THBS3: variants seen among roughly 807,000 people sequenced by gnomAD.
THBS3 encodes the protein thrombospondin 3, also known as thrombospondin-3.
Under a neutral mutation model 118.3 loss-of-function variants are expected in THBS3, and 78 were observed. The observed-to-expected ratio is 0.66, with a 90% confidence interval of 0.55 to 0.80. The LOEUF (loss-of-function observed/expected upper bound fraction) is 0.80, where lower values mean the gene tolerates loss of function less well. Ranked by LOEUF, THBS3 falls within the 30% of genes least tolerant of loss-of-function variation. THBS3 has a pLI of 0.00. For synonymous variants in THBS3, 427 were observed against 475.3 expected (o/e 0.90, Z 1.32); for missense variants, 1,057 against 1,247.4 (o/e 0.85, Z 2.30).
intron 6 of THBS3, 34 bp downstream of exon 6, chr1:155,203,189 G>A (rs1474222976): frequency 5.6e-6 from 9 of 1,614,078 alleles, no homozygotes; most frequent in Non-Finnish European, 7.6e-6. Context: ...CCCTACCCCA[G>A]AATCAGTGCC....
At chr1:155,200,196 C>T in intron 14 of THBS3, 83 bp from the exon 15 acceptor site, 1 of 1,294,836 alleles carries the variant, frequency 7.7e-7, no homozygotes, top group Non-Finnish European at 1.1e-6. Flanking sequence ...CGAACTTTGT[C>T]TCCCCACCCA....
chr1:155,202,952 C>T lies in THBS3; in HGVS notation c.817G>A (p.Glu273Lys). Reference sequence around the variant, plus strand: ...TTGGGGCTGCAGTGGGAACGCTGCTCATGGAAGCCTGAGGGGTGGACACAG... The same window carrying T: ...TTGGGGCTGCAGTGGGAACGCTGCTTATGGAAGCCTGAGGGGTGGACACAG... ...IMECQVCGFHEQRSHCSPNPC... is the reference protein window; with the variant it reads ...IMECQVCGFHKQRSHCSPNPC... Residue 273 changes from glutamate (E) to lysine (K), a missense_variant, in exon 8 of 23, where the codon GAG becomes AAG. Physicochemically the swap from Glu to Lys is moderately conservative, Grantham distance 56. Transcript: ENST00000368378. This position sits in a 1 kb window ranked among gnomAD's most constrained non-coding sequence, Gnocchi z 5.5. The T allele has an allele frequency of 4.3e-6, 7 of 1,613,948 alleles. No individual in the cohort carries two copies. The highest frequency in any genetic ancestry group is 5.9e-6 in the Non-Finnish European group (7 of 1,180,000).
In THBS3 at chr1:155,204,892, C is replaced by T; in HGVS notation, c.609G>A (p.Glu203=). 1 of 1,613,972 alleles carries T rather than the reference C, an allele frequency of 6.2e-7. No individual in the cohort carries two copies. The highest frequency in any genetic ancestry group is 8.5e-7 in the Non-Finnish European group (1 of 1,180,032). The part of the protein sequence containing the change: ...GSMARVGALS[E]CPFQGDESIH... The stretch of plus-strand genomic sequence containing the variant: ...TGGACTCGTCCCCTTGGAATGGACA[C>T]TCACTCAGGGCTCCTACCCGGGCCA... The change falls in exon 4 of 23, where the codon GAG becomes GAA. Residue 203 remains glutamate, a synonymous_variant. Coordinates refer to ENST00000368378, the MANE Select transcript of THBS3 (RefSeq NM_007112.5).
upstream of THBS3, chr1:155,208,597 TG>T: frequency 1.8e-6 from 1 of 567,618 alleles, no homozygotes; most frequent in Non-Finnish European, 3.1e-6. Flanking sequence ...TGGAACACTG[TG>T]GGTACTAGCG....
chr1:155,206,314 G>A lies in THBS3; in HGVS notation c.172C>T (p.Leu58Phe). 6.2e-7 allele frequency: 1 copy of A among 1,614,180 alleles called. No homozygotes were observed. The highest frequency in any genetic ancestry group is 8.5e-7 in the Non-Finnish European group (1 of 1,180,028). The change falls in exon 2 of 23, where the codon CTC (leucine) becomes TTC (phenylalanine). Residue 58 changes from leucine to phenylalanine, a missense_variant. Physicochemically the swap from Leu to Phe is conservative, Grantham distance 22. Transcript: ENST00000368378. This position sits in a 1 kb window ranked among gnomAD's most constrained non-coding sequence, Gnocchi z 4.2. ...GGGGGCAGGCGGAAGGTGGATAAGA[G>A]GTAGATGTCCCCAGCAGTGAGCAAG... Reference protein sequence around the residue: ...TALLTAGDIYLLSTFRLPPKQ... With the variant: ...TALLTAGDIYFLSTFRLPPKQ...
At chr1:155,199,483 G>A (rs1332785083) in intron 16 of THBS3, among the ~76,000 whole-genome samples, 1 of 150,988 alleles carries the variant, frequency 6.6e-6, no homozygotes, top group Non-Finnish European at 1.5e-5. Context: ...CGCTGGCACA[G>A]TGGCTCACAC....
rs77079296 is a variant in THBS3, at chr1:155,198,692, C to G, written c.1881-90G>C. ...TGCCTGGGAGTCTCTGGAGCCTGCT[C>G]TCCATACAATCAGACCCCTGGCAGT... On this transcript the variant is annotated intron_variant, in intron 16 of 22. Coordinates refer to ENST00000368378, the MANE Select transcript of THBS3 (RefSeq NM_007112.5). 3,565 of 1,362,910 alleles carry G rather than the reference C, an allele frequency of 2.6e-3. 83 individuals are homozygous for G. In the African/African-American group the frequency reaches 0.046, roughly 18 times the overall value. The allele number at this position is 1,362,910 out of a possible 1,614,324, so 84.4% of individuals were successfully genotyped here.
rs557774108 is a variant in THBS3, at chr1:155,196,326, C to G, written c.2673-200G>C. On this transcript the variant is annotated intron_variant, in intron 21 of 22. Coordinates refer to ENST00000368378, the MANE Select transcript of THBS3 (RefSeq NM_007112.5). Reference sequence around the variant, plus strand: ...AGGCCTGGGGCCCCTAGCTCTTTGTCCAGCTCCTTTTGCATCTCAAAGCAC... The same window carrying G: ...AGGCCTGGGGCCCCTAGCTCTTTGTGCAGCTCCTTTTGCATCTCAAAGCAC... 6.6e-6 allele frequency: 4 copies of G among 603,262 alleles called. No homozygotes were observed. In the East Asian group the frequency reaches 1.1e-4, roughly 17 times the overall value. 37.4% of individuals were successfully genotyped at this position (603,262 alleles called of 1,614,324 possible). A position where few individuals can be genotyped will look rare whatever the true frequency, so the allele number is the denominator to read the frequency against.
At chr1:155,201,361 C>T in intron 11 of THBS3, 56 bp downstream of exon 11, 1 of 1,570,822 alleles carries the variant, frequency 6.4e-7, no homozygotes. Context: ...CTAAACATAG[C>T]CCTACTCCTT....
At chr1:155,208,970 A>G (rs761559280), upstream of THBS3, 1 of 1,607,370 alleles carries the variant, frequency 6.2e-7, no homozygotes, top group Admixed American at 1.7e-5. Flanking sequence ...TCGGGGCTCC[A>G]CTTGGACGAG....
At chr1:155,198,912 G>A (rs1166972436) in intron 16 of THBS3, among the ~76,000 whole-genome samples, 1 of 152,182 alleles carries the variant, frequency 6.6e-6, no homozygotes, top group Non-Finnish European at 1.5e-5. Context: ...CTGAGGTCAG[G>A]AGTTCGAGAC....
chr1:155,205,240 G>A lies in THBS3; in HGVS notation c.363C>T (p.Arg121=). 1 of 1,614,130 alleles carries A rather than the reference G, an allele frequency of 6.2e-7. No individual in the cohort carries two copies. The highest frequency in any genetic ancestry group is 8.5e-7 in the Non-Finnish European group (1 of 1,180,012). The change falls in exon 3 of 23, where the codon CGC becomes CGT. Residue 121 remains arginine, a synonymous_variant. Transcript: ENST00000368378. ...NLQQAGLADG[R]THTVLLRLRG... is the part of the protein sequence containing the mutation. ...GGAGTCGCAGGAGAACTGTGTGTGT[G>A]CGCCCATCAGCCAGGCCCGCTTGCT...
rs115103411 is a variant in THBS3 at position 155,207,263 on chromosome 1, C to T, written c.79+535G>A. Among the ~76,000 whole-genome samples, 1,401 of 152,322 alleles carry T rather than the reference C, an allele frequency of 9.2e-3. 31 individuals are homozygous for T. The highest frequency in any genetic ancestry group is 0.032 in the African/African-American group (1,331 of 41,568). ...GGAATGTAGGACCCAGCTCCTCTGCCTCCTGTGTCCTGGCCAATCTGTGGT... is the reference window on the plus strand; with the variant it reads ...GGAATGTAGGACCCAGCTCCTCTGCTTCCTGTGTCCTGGCCAATCTGTGGT... On this transcript the variant is annotated intron_variant, in intron 1 of 22. Coordinates refer to ENST00000368378, the MANE Select transcript of THBS3 (RefSeq NM_007112.5).
At chr1:155,208,880 G>T (rs778777390), upstream of THBS3, 1 of 1,611,688 alleles carries the variant, frequency 6.2e-7, no homozygotes, top group Non-Finnish European at 8.5e-7. Flanking sequence ...TACAGGCCAC[G>T]TGCAGTTTGG....
Position 155,204,911 on chromosome 1 carries a change from C to T in THBS3, c.590G>A (p.Arg197Gln), listed in dbSNP as rs779911961. The T allele has an allele frequency of 1.7e-5, 28 of 1,613,876 alleles. No individual in the cohort carries two copies. The Admixed American group carries it at 2.7e-4, about 15-fold the overall frequency. The change falls in exon 4 of 23, where the codon CGG (arginine) becomes CAG (glutamine). Residue 197 changes from arginine (R) to glutamine (Q), a missense_variant. Arg to Gln is a conservative substitution (Grantham distance 43, BLOSUM62 1). Transcript: ENST00000368378. ...TGGACACTCACTCAGGGCTCCTACC[C>T]GGGCCATGGACCCACCCAGAATAAT... The part of the protein sequence containing the change: ...MKIILGGSMA[R>Q]VGALSECPFQ...
chr1:155,199,934 G>C, intron 15 of THBS3, 61 bp downstream of exon 15: 1 of 1,611,150 alleles, frequency 6.2e-7, no homozygotes, highest in South Asian at 1.1e-5. Flanking sequence ...TCCATCCAAA[G>C]GGCTGGGGCT....
intron 1 of THBS3, among the ~76,000 whole-genome samples, chr1:155,207,301 C>T (rs1670696643): frequency 6.6e-6 from 1 of 152,220 alleles, no homozygotes; most frequent in South Asian, 2.1e-4. Flanking sequence ...TCCCTCCAGC[C>T]AGTAAAGAAT....
rs1668767056 is a variant in THBS3 at position 155,196,927 on chromosome 1, TG to T, written c.2672+113del. On this transcript the variant is annotated intron_variant, in intron 21 of 22. Coordinates refer to ENST00000368378, the MANE Select transcript of THBS3 (RefSeq NM_007112.5). Reference sequence around the variant, plus strand: ...CTTGTGTCCGTGGTGAGAAGGGTGATGGAGAGAAGTGGCTGCAGTTCCCACC... The same window carrying T: ...CTTGTGTCCGTGGTGAGAAGGGTGATGAGAGAAGTGGCTGCAGTTCCCACC... 4 of 983,876 alleles carry T rather than the reference TG, an allele frequency of 4.1e-6. No homozygotes were observed. In the South Asian group the frequency reaches 4.7e-5, roughly 12 times the overall value. The allele number at this position is 983,876 out of a possible 1,614,324, so 60.9% of individuals were successfully genotyped here. A position where few individuals can be genotyped will look rare whatever the true frequency, so the allele number is the denominator to read the frequency against.
chr1:155,202,738 T>C lies in THBS3; in HGVS notation c.957+74A>G. On this transcript the variant is annotated intron_variant, in intron 8 of 22. Transcript: ENST00000368378. The surrounding 1 kb of genome is among the most constrained non-coding windows in gnomAD (Gnocchi z 5.5). The stretch of plus-strand genomic sequence containing the variant: ...TTCCTCTCCTCCGGACCAGCATTTA[T>C]CCCACCCTCTTGGGTGCCTCCTGAC... The C allele has an allele frequency of 6.5e-7, 1 of 1,537,692 alleles. No homozygotes were observed. The highest frequency in any genetic ancestry group is 8.8e-7 in the Non-Finnish European group (1 of 1,140,688).
Sources: gnomAD v4.1 joint callset for allele counts (sites outside exome capture counted in the v4.1 genomes callset) on GRCh38, gnomAD v4.1.1 for gene constraint, Gnocchi (gnomAD v3.1) non-coding constraint, MANE v1.5 for transcripts, NCBI Gene and HGNC (gene_info 2026-07-23, HGNC 2026-07-21) for gene names.